Variants in PTPRG observed in about 807,000 individuals in gnomAD.
PTPRG encodes receptor-type tyrosine-protein phosphatase gamma.
Under a neutral mutation model 165.3 loss-of-function variants are expected in PTPRG, and 102 were observed. The observed-to-expected ratio is 0.62, with a 90% CI of 0.53 to 0.73. PTPRG has a LOEUF of 0.73. PTPRG is among the 30% of genes least tolerant of loss of function. The pLI is 0.00. For missense variants in PTPRG, 1,866 were observed against 1,861.4 expected (o/e 1.00, Z -0.05); for synonymous variants, 675 against 669.5 (o/e 1.01, Z -0.13).
At chr3:61,746,414 T>C (rs1179784846) in intron 1 of PTPRG, among the ~76,000 whole-genome samples, 3 of 152,052 alleles carry the variant, frequency 2.0e-5, no homozygotes, top group Non-Finnish European at 4.4e-5. Flanking sequence ...TTTCACCGTG[T>C]TAGCCAGGAT....
intron 2 of PTPRG, among the ~76,000 whole-genome samples, chr3:61,934,775 T>G (rs1348549231): frequency 6.6e-6 from 1 of 152,138 alleles, no homozygotes; most frequent in East Asian, 1.9e-4. Context: ...TAAACTTGGG[T>G]GGCCAGCAGC....
At chr3:61,925,749 A>C in intron 2 of PTPRG, 1 of 377,702 alleles carries the variant, frequency 2.6e-6, no homozygotes, top group Admixed American at 3.2e-5. Flanking sequence ...TCTTTAAAAA[A>C]AAAAAAAATC....
chr3:61,640,555 C>G (rs1328070282), intron 1 of PTPRG, among the ~76,000 whole-genome samples: 1 of 152,190 alleles, frequency 6.6e-6, no homozygotes, highest in Non-Finnish European at 1.5e-5. Flanking sequence ...TCCCATTTAA[C>G]AGATGAAGCA....
intron 17 of PTPRG, among the ~76,000 whole-genome samples, chr3:62,265,896 T>TACACACACACACACACAC (rs143246257): frequency 0.019 from 2,510 of 130,542 alleles, 32 homozygotes; most frequent in South Asian, 0.022. Context: ...GTGCCTTATA[T>TACACACACACACACACAC]ACACACACAC....
chr3:61,755,261 G>A (rs2033597121), intron 2 of PTPRG, among the ~76,000 whole-genome samples: 2 of 152,068 alleles, frequency 1.3e-5, no homozygotes, highest in Non-Finnish European at 2.9e-5. Context: ...GCCTGTCTTG[G>A]CCTCCCAAAG....
chr3:61,683,884 T>A (rs1203575848), intron 1 of PTPRG, among the ~76,000 whole-genome samples: 1 of 152,226 alleles, frequency 6.6e-6, no homozygotes, highest in East Asian at 1.9e-4. Context: ...ATAGCCTGTA[T>A]GCACAAAGTA....
chr3:61,742,644 G>C, intron 1 of PTPRG: 1 of 1,604,970 alleles, frequency 6.2e-7, no homozygotes, highest in Non-Finnish European at 8.5e-7. Context: ...TTTGGAACTT[G>C]ATTGTGGACT....
At chr3:62,152,173 T>G (rs759751982) in intron 6 of PTPRG, among the ~76,000 whole-genome samples, 38 of 151,716 alleles carry the variant, frequency 2.5e-4, no homozygotes, top group Non-Finnish European at 4.4e-4. Context: ...TGGGACCAGC[T>G]TGGGCAACAC....
At chr3:61,781,469 C>T (rs918224722) in intron 2 of PTPRG, among the ~76,000 whole-genome samples, 1 of 152,120 alleles carries the variant, frequency 6.6e-6, no homozygotes, top group African/African-American at 2.4e-5. Context: ...TTGTGTGGAT[C>T]AGTGAATTTG....
chr3:61,897,968 C>T (rs1433007995), intron 2 of PTPRG, among the ~76,000 whole-genome samples: 1 of 151,970 alleles, frequency 6.6e-6, no homozygotes, highest in Non-Finnish European at 1.5e-5. Flanking sequence ...TGGAATTTTC[C>T]ATATAGACAA....
At chr3:62,268,935 C>A (rs1576200975) in intron 19 of PTPRG, 100 bp from the exon 20 acceptor site, 1 of 1,288,170 alleles carries the variant, frequency 7.8e-7, no homozygotes, top group Non-Finnish European at 1.0e-6. Context: ...AACTAAATGG[C>A]AATCTCACCT....
intron 2 of PTPRG, among the ~76,000 whole-genome samples, chr3:61,952,075 G>A (rs138334370): frequency 3.1e-4 from 42 of 136,888 alleles, no homozygotes; most frequent in African/African-American, 1.1e-3. Flanking sequence ...CTGAGATCAC[G>A]CCACAGCACT....
intron 1 of PTPRG, among the ~76,000 whole-genome samples, chr3:61,686,007 G>A (rs1703613512): frequency 6.6e-6 from 1 of 152,134 alleles, no homozygotes; most frequent in Admixed American, 6.5e-5. Context: ...CCGTGCTTCT[G>A]AACATTTGCA....
intron 2 of PTPRG, among the ~76,000 whole-genome samples, chr3:61,814,357 A>G (rs1559626693): frequency 6.6e-6 from 1 of 152,202 alleles, no homozygotes; most frequent in Non-Finnish European, 1.5e-5. Context: ...CCACTGGAGT[A>G]TTCCACTTCT....
chr3:62,202,517 C>T (rs1700117650), intron 11 of PTPRG, among the ~76,000 whole-genome samples: 1 of 152,180 alleles, frequency 6.6e-6, no homozygotes, highest in South Asian at 2.1e-4. Flanking sequence ...CAGATTTTCC[C>T]ACGGATCAAC....
At chr3:61,926,772 T>C (rs943189221) in intron 2 of PTPRG, among the ~76,000 whole-genome samples, 4 of 152,110 alleles carry the variant, frequency 2.6e-5, no homozygotes, top group Admixed American at 2.6e-4. Context: ...CACATCTTAG[T>C]ACATTTTATG....
intron 2 of PTPRG, among the ~76,000 whole-genome samples, chr3:61,906,584 A>G (rs889287441): frequency 6.6e-5 from 10 of 152,222 alleles, no homozygotes; most frequent in African/African-American, 2.4e-4. Flanking sequence ...AGCCTGGGCA[A>G]CATAGGTAGA....
Position 62,277,546 on chromosome 3 carries a change from T to A in PTPRG, c.3637-5T>A, listed in dbSNP as rs1196154701. The A allele has an allele frequency of 6.2e-7, 1 of 1,609,458 alleles. No homozygotes were observed. The highest frequency in any genetic ancestry group is 8.5e-7 in the Non-Finnish European group (1 of 1,178,880). On this transcript the variant is annotated splice_region_variant and splice_polypyrimidine_tract_variant and intron_variant, in intron 25 of 29. Coordinates refer to ENST00000474889, the MANE Select transcript of PTPRG (RefSeq NM_002841.4). ...CACTGATTTTTTTTGTCTTCCCAAC[T>A]GAAGGGCTATTATAGGAGCAATGAA...
At chr3:61,843,801 T>C (rs2036721525) in intron 2 of PTPRG, among the ~76,000 whole-genome samples, 1 of 151,184 alleles carries the variant, frequency 6.6e-6, no homozygotes, top group Non-Finnish European at 1.5e-5. Context: ...CAGCAGAAAA[T>C]CTCTTAAAAC....
Sources: allele counts gnomAD v4.1 joint callset (sites outside exome capture counted in the v4.1 genomes callset), GRCh38; gene constraint gnomAD v4.1.1; transcripts MANE v1.5; gene names NCBI Gene and HGNC (gene_info 2026-07-23, HGNC 2026-07-21).